The following IRAG1 variants were observed in gnomAD, a reference collection of about 807,000 sequenced individuals.
IRAG1 encodes IP3R-associated cGMP kinase substrate.
Under a neutral mutation model 106.2 loss-of-function variants are expected in IRAG1, and 62 were observed. The observed-to-expected ratio is 0.58, with a 90% CI of 0.48 to 0.72. The LOEUF (loss-of-function observed/expected upper bound fraction) is 0.72. Among genes scored for constraint, IRAG1 ranks in the 30% least tolerant of loss-of-function variants. The pLI is 0.00. For synonymous variants in IRAG1, 462 were observed against 443.9 expected (o/e 1.04, Z -0.51); for missense variants, 1,064 against 1,140.7 (o/e 0.93, Z 0.97).
At chr11:10,637,018 C>T (rs1054391958) in intron 2 of IRAG1, among the ~76,000 whole-genome samples, 2 of 152,184 alleles carry the variant, frequency 1.3e-5, no homozygotes, top group Non-Finnish European at 2.9e-5. Context: ...CGAAGCTACT[C>T]TAATGAGTTT....
intron 14 of IRAG1, among the ~76,000 whole-genome samples, chr11:10,601,923 G>A (rs1591588687): frequency 6.6e-6 from 1 of 152,222 alleles, no homozygotes; most frequent in East Asian, 1.9e-4. Context: ...TGAGTGACAG[G>A]TGGGCTGAGG....
chr11:10,609,791 A>G lies in IRAG1; in HGVS notation c.1508T>C (p.Val503Ala). Residue 503 changes from valine to alanine, a missense_variant, in exon 11 of 21, where the codon GTC (valine) becomes GCC (alanine). Coordinates refer to ENST00000423302, the MANE Select transcript of IRAG1 (RefSeq NM_130385.4). ...EEEESKSGLDVMPNISDVLLR... is the reference protein window; with the variant it reads ...EEEESKSGLDAMPNISDVLLR... The stretch of plus-strand genomic sequence containing the variant: ...CAGCACATCAGAAATATTAGGCATG[A>G]CATCTAAGCCACTCTTTGACTCTTC... 6.2e-7 allele frequency: 1 copy of G among 1,614,004 alleles called. No homozygotes were observed. The highest frequency in any genetic ancestry group is 8.5e-7 in the Non-Finnish European group (1 of 1,179,876).
At chr11:10,614,542 T>C (rs1380795214) in intron 10 of IRAG1, among the ~76,000 whole-genome samples, 5 of 152,152 alleles carry the variant, frequency 3.3e-5, no homozygotes, top group African/African-American at 1.2e-4. Context: ...CTTCAAACTA[T>C]ACTACAAGGC....
At position 10,680,429 on chromosome 11, in the gene IRAG1, G is replaced by C. The variant is rs189952756; in HGVS notation, c.67+13107C>G. Among the ~76,000 whole-genome samples, 484 of 130,002 alleles carry C rather than the reference G, an allele frequency of 3.7e-3. 5 individuals carry two copies. The highest frequency in any genetic ancestry group is 0.014 in the African/African-American group (462 of 32,774). The allele number at this position is 130,002 out of a possible 152,430, so 85.3% of individuals were successfully genotyped here. ...GGAAAGAAAGGGAAAGAAAGAAAGA[G>C]AGGGAAGGAAGGAAAGAAAGGGAAA... is the stretch of plus-strand genomic sequence containing the variant. On this transcript the variant is annotated intron_variant, in intron 1 of 20. Coordinates refer to ENST00000423302, the MANE Select transcript of IRAG1 (RefSeq NM_130385.4).
chr11:10,674,554 C>T (rs1388032976), intron 1 of IRAG1, among the ~76,000 whole-genome samples: 1 of 152,218 alleles, frequency 6.6e-6, no homozygotes, highest in Admixed American at 6.5e-5. Context: ...ATTACAGCCA[C>T]ACCAGCACCA....
At chr11:10,681,538 A>G (rs544473839) in intron 1 of IRAG1, among the ~76,000 whole-genome samples, 2 of 152,326 alleles carry the variant, frequency 1.3e-5, no homozygotes, top group South Asian at 4.1e-4. Context: ...CCAGCTGTCA[A>G]TTATTGCTCT....
At chr11:10,679,261 A>C (rs746317816) in intron 1 of IRAG1, among the ~76,000 whole-genome samples, 1 of 152,234 alleles carries the variant, frequency 6.6e-6, no homozygotes, top group African/African-American at 2.4e-5. Flanking sequence ...CATTAGGTAC[A>C]TTCGCAATGT....
chr11:10,593,240 A>G (rs763370803), intron 17 of IRAG1: 1 of 303,260 alleles, frequency 3.3e-6, no homozygotes. Context: ...TAAGCACAAA[A>G]AGAGTTATCA....
chr11:10,586,619 T>C (rs1420543313), intron 18 of IRAG1, among the ~76,000 whole-genome samples: 2 of 152,248 alleles, frequency 1.3e-5, no homozygotes, highest in East Asian at 1.9e-4. Context: ...GGTTTCACCA[T>C]GTTGGCCAGG....
Position 10,584,172 on chromosome 11 carries a change from C to T in IRAG1, c.2241-2186G>A, listed in dbSNP as rs1051638547. Among the ~76,000 whole-genome samples, 21 of 152,110 alleles carry T rather than the reference C, an allele frequency of 1.4e-4. 1 individual carries two copies. The highest frequency in any genetic ancestry group is 1.5e-4 in the Non-Finnish European group (10 of 68,024). Reference sequence around the variant, plus strand: ...ATGGAGGAGTCCTCCAACAAGGCAACACTGTGAGCAGAGCTTTCCAGCCAG... The same window carrying T: ...ATGGAGGAGTCCTCCAACAAGGCAATACTGTGAGCAGAGCTTTCCAGCCAG... On this transcript the variant is annotated intron_variant, in intron 18 of 20. Coordinates refer to ENST00000423302, the MANE Select transcript of IRAG1 (RefSeq NM_130385.4).
intron 1 of IRAG1, among the ~76,000 whole-genome samples, chr11:10,667,330 C>G (rs1458881131): frequency 6.6e-6 from 1 of 152,084 alleles, no homozygotes; most frequent in African/African-American, 2.4e-5. Flanking sequence ...GGGCCCTGGG[C>G]TGGAATGCTG....
chr11:10,646,709 G>A (rs943156207), intron 2 of IRAG1, among the ~76,000 whole-genome samples: 2 of 152,296 alleles, frequency 1.3e-5, no homozygotes, highest in African/African-American at 4.8e-5. Flanking sequence ...GAGCTACTGC[G>A]TAACAGGGCT....
chr11:10,585,508 A>G (rs1348814737), intron 18 of IRAG1, among the ~76,000 whole-genome samples: 1 of 151,978 alleles, frequency 6.6e-6, no homozygotes. Context: ...AAGTGATTTC[A>G]TATCTGTCAA....
chr11:10,633,947 G>C (rs1243869913), intron 3 of IRAG1, 21 bp downstream of exon 3: 4 of 1,456,416 alleles, frequency 2.7e-6, no homozygotes, highest in South Asian at 1.2e-5. Context: ...TTGTCACAAT[G>C]CAAGGATCAG....
intron 2 of IRAG1, among the ~76,000 whole-genome samples, chr11:10,649,587 G>T (rs1468682770): frequency 6.6e-6 from 1 of 152,184 alleles, no homozygotes; most frequent in Admixed American, 6.5e-5. Flanking sequence ...CTTAAATCCT[G>T]TGCTAGGTAT....
intron 1 of IRAG1, among the ~76,000 whole-genome samples, chr11:10,679,756 A>T (rs972952254): frequency 2.6e-5 from 4 of 152,208 alleles, no homozygotes; most frequent in Non-Finnish European, 5.9e-5. Context: ...ACAACTCCAG[A>T]TCTGGGTGAT....
intron 2 of IRAG1, among the ~76,000 whole-genome samples, chr11:10,642,049 C>G (rs1857553668): frequency 6.6e-6 from 1 of 152,194 alleles, no homozygotes; most frequent in African/African-American, 2.4e-5. Context: ...CTCCAGGAAG[C>G]CCTCAAACCA....
chr11:10,688,663 C>G (rs1336479249), intron 1 of IRAG1, among the ~76,000 whole-genome samples: 1 of 152,124 alleles, frequency 6.6e-6, no homozygotes, highest in Non-Finnish European at 1.5e-5. Flanking sequence ...TCAACTTCCC[C>G]AACACCCTGC....
chr11:10,604,608 G>A, intron 12 of IRAG1, 63 bp from the exon 13 acceptor site: 1 of 1,594,136 alleles, frequency 6.3e-7, no homozygotes, highest in East Asian at 2.2e-5. Context: ...CAAGGCTGCA[G>A]CTGTGCTCCT....
Sources: allele counts gnomAD v4.1 joint callset (sites outside exome capture counted in the v4.1 genomes callset), GRCh38; gene constraint gnomAD v4.1.1; transcripts MANE v1.5; gene names NCBI Gene and HGNC (gene_info 2026-07-23, HGNC 2026-07-21).